PAK5: variants seen among roughly 807,000 people sequenced by gnomAD.
PAK5 encodes p21 (RAC1) activated kinase 5, also known as serine/threonine-protein kinase PAK 5.
PAK5 carries 16 observed loss-of-function variants against 65.9 expected under a neutral mutation model. The ratio of observed to expected loss-of-function variants is 0.24; its 90% CI spans 0.16 to 0.37. The LOEUF (loss-of-function observed/expected upper bound fraction) is 0.37. Ranked by LOEUF, PAK5 falls within the 10% of genes least tolerant of loss-of-function variation. PAK5 has a pLI of 1.00. For synonymous variants in PAK5, 371 were observed against 354.9 expected (o/e 1.05, Z -0.51); for missense variants, 785 against 903.9 (o/e 0.87, Z 1.69).
At chr20:9,704,328 T>C (rs1389615701) in intron 2 of PAK5, among the ~76,000 whole-genome samples, 1 of 152,126 alleles carries the variant, frequency 6.6e-6, no homozygotes, top group Non-Finnish European at 1.5e-5. Flanking sequence ...AGCTTAACAT[T>C]TTCTTTCCGC....
At chr20:9,774,973 C>G (rs2048872516) in intron 1 of PAK5, among the ~76,000 whole-genome samples, 1 of 151,866 alleles carries the variant, frequency 6.6e-6, no homozygotes, top group African/African-American at 2.4e-5. Context: ...AACGAACGAA[C>G]AAACAAAAAA....
At chr20:9,679,467 T>C (rs2047620692) in intron 2 of PAK5, among the ~76,000 whole-genome samples, 1 of 152,226 alleles carries the variant, frequency 6.6e-6, no homozygotes, top group African/African-American at 2.4e-5. Flanking sequence ...ATTTTATGTC[T>C]GTGCATCTGT....
At chr20:9,712,918 AAGAAAACATTG>A (rs1456204087) in intron 1 of PAK5, among the ~76,000 whole-genome samples, 1 of 152,168 alleles carries the variant, frequency 6.6e-6, no homozygotes, top group Non-Finnish European at 1.5e-5. Context: ...AAACTACTAG[AAGAAAACATTG>A]AGAAAACATT....
At chr20:9,616,416 T>C (rs1416534415) in intron 3 of PAK5, among the ~76,000 whole-genome samples, 6 of 152,234 alleles carry the variant, frequency 3.9e-5, no homozygotes, top group Admixed American at 2.6e-4. Flanking sequence ...TATTTTATGC[T>C]GCTGGAAACA....
chr20:9,806,468 A>G (rs1281704128), intron 1 of PAK5, among the ~76,000 whole-genome samples: 4 of 152,202 alleles, frequency 2.6e-5, no homozygotes, highest in Non-Finnish European at 5.9e-5. Context: ...GAACCCTCCC[A>G]GAACCAGGGA....
intron 1 of PAK5, among the ~76,000 whole-genome samples, chr20:9,760,673 C>CTTTTTTTTTTTTT (rs5840332): frequency 3.3e-5 from 4 of 122,826 alleles, no homozygotes; most frequent in African/African-American, 9.2e-5. Context: ...CTTTTCTTTT[C>CTTTTTTTTTTTTT]TTTTTTTTTT....
At chr20:9,697,736 T>C (rs1306695177) in intron 2 of PAK5, among the ~76,000 whole-genome samples, 2 of 152,134 alleles carry the variant, frequency 1.3e-5, no homozygotes, top group Admixed American at 6.6e-5. Context: ...CTGTAGAACA[T>C]ATTAGGCATA....
chr20:9,669,757 T>C (rs1293851814), intron 2 of PAK5, among the ~76,000 whole-genome samples: 3 of 152,200 alleles, frequency 2.0e-5, no homozygotes, highest in East Asian at 3.9e-4. Flanking sequence ...TTATTTTTAT[T>C]TATTTTGATT....
chr20:9,601,541 T>G (rs2046359424), intron 3 of PAK5, among the ~76,000 whole-genome samples: 1 of 152,120 alleles, frequency 6.6e-6, no homozygotes, highest in African/African-American at 2.4e-5. Flanking sequence ...TTCCATAGCT[T>G]TTTTAGTGGT....
chr20:9,794,867 G>A (rs2049088481), intron 1 of PAK5, among the ~76,000 whole-genome samples: 3 of 151,934 alleles, frequency 2.0e-5, no homozygotes, highest in Admixed American at 2.0e-4. Flanking sequence ...TTCAGTATAT[G>A]AGATCCCCTG....
chr20:9,620,352 C>G (rs570006269), intron 3 of PAK5, among the ~76,000 whole-genome samples: 39 of 152,340 alleles, frequency 2.6e-4, no homozygotes, highest in African/African-American at 9.1e-4. Context: ...GAATTCAGGT[C>G]TCTTCAGAAG....
intron 1 of PAK5, among the ~76,000 whole-genome samples, chr20:9,719,432 T>C (rs966429648): frequency 6.6e-6 from 1 of 152,174 alleles, no homozygotes; most frequent in African/African-American, 2.4e-5. Context: ...GGAAAATATC[T>C]GGTTTGAGTT....
intron 2 of PAK5, among the ~76,000 whole-genome samples, chr20:9,695,055 G>T (rs1373573098): frequency 1.3e-5 from 2 of 151,868 alleles, no homozygotes; most frequent in Non-Finnish European, 2.9e-5. Flanking sequence ...ATTTCCAATT[G>T]TCAATCCTTT....
chr20:9,728,814 G>C (rs2048304117), intron 1 of PAK5, among the ~76,000 whole-genome samples: 1 of 150,630 alleles, frequency 6.6e-6, no homozygotes, highest in Non-Finnish European at 1.5e-5. Context: ...ACCTTCATTT[G>C]TTTACGCATT....
At chr20:9,580,093 A>G in intron 4 of PAK5, 52 bp downstream of exon 4, 1 of 1,463,722 alleles carries the variant, frequency 6.8e-7, no homozygotes. Flanking sequence ...TGCCAGCACC[A>G]CCCCTGTGGA....
intron 3 of PAK5, among the ~76,000 whole-genome samples, chr20:9,616,934 G>A (rs930260596): frequency 6.6e-6 from 1 of 152,126 alleles, no homozygotes; most frequent in Non-Finnish European, 1.5e-5. Flanking sequence ...TTTCACTTTG[G>A]TTTTTCTGGA....
intron 1 of PAK5, among the ~76,000 whole-genome samples, chr20:9,788,639 T>G (rs1172010703): frequency 1.3e-5 from 2 of 152,184 alleles, no homozygotes; most frequent in African/African-American, 2.4e-5. Context: ...TTTTGTATTT[T>G]CTGGTCATAT....
At chr20:9,837,705 T>C (rs1293378441) in intron 1 of PAK5, among the ~76,000 whole-genome samples, 1 of 152,186 alleles carries the variant, frequency 6.6e-6, no homozygotes, top group African/African-American at 2.4e-5. Flanking sequence ...TAGAAGATTT[T>C]TGTGAGTTAC....
chr20:9,565,392 G>A (rs2045658690), intron 5 of PAK5, among the ~76,000 whole-genome samples: 1 of 152,116 alleles, frequency 6.6e-6, no homozygotes, highest in Non-Finnish European at 1.5e-5. Flanking sequence ...GTTCCTAAAG[G>A]GTGATAGTCC....
Sources: allele counts gnomAD v4.1 joint callset (sites outside exome capture counted in the v4.1 genomes callset), GRCh38; gene constraint gnomAD v4.1.1; transcripts MANE v1.5; gene names NCBI Gene and HGNC (gene_info 2026-07-23, HGNC 2026-07-21).